Variants in TOX observed in about 807,000 individuals in gnomAD.
The protein encoded by TOX is thymocyte selection associated high mobility group box.
TOX carries 11 observed loss-of-function variants against 53.7 expected under a neutral mutation model. That is an observed-to-expected ratio of 0.20 (90% CI 0.13 to 0.34). TOX has a LOEUF of 0.34. Among genes scored for constraint, TOX ranks in the 10% least tolerant of loss-of-function variants. The pLI is 1.00. For missense variants in TOX, 570 were observed against 664.6 expected (o/e 0.86, Z 1.56); for synonymous variants, 225 against 245.3 (o/e 0.92, Z 0.77).
chr8:58,904,781 G>A (rs567427695), intron 3 of TOX, among the ~76,000 whole-genome samples: 1 of 152,262 alleles, frequency 6.6e-6, no homozygotes, highest in African/African-American at 2.4e-5. Flanking sequence ...CACACAGTAG[G>A]AGCTCAAAAT....
chr8:59,096,437 C>T (rs1290219481), intron 1 of TOX, among the ~76,000 whole-genome samples: 1 of 152,130 alleles, frequency 6.6e-6, no homozygotes, highest in African/African-American at 2.4e-5. Context: ...AATTCCTCTC[C>T]CCTTTTATGG....
At chr8:59,032,850 G>GTGAA (rs1261127068) in intron 1 of TOX, among the ~76,000 whole-genome samples, 1 of 151,990 alleles carries the variant, frequency 6.6e-6, no homozygotes. Context: ...GGCAAACATG[G>GTGAA]TGAAGCCCTG....
At chr8:58,842,383 C>G (rs1296534804) in intron 4 of TOX, among the ~76,000 whole-genome samples, 1 of 152,188 alleles carries the variant, frequency 6.6e-6, no homozygotes, top group Non-Finnish European at 1.5e-5. Context: ...CTTTGTCCTT[C>G]TGCTTTCTAC....
rs145935939 is a variant in TOX, at chr8:58,817,219, C to T, written c.1006-1495G>A. ...AGAGTCCTCTCATTCTGACATTTTC[C>T]CCTGTGTCACACTGTTGATGCAGCT... On this transcript the variant is annotated intron_variant, in intron 6 of 8. Transcript: ENST00000361421. Among the ~76,000 whole-genome samples, 195 of 152,030 alleles carry T rather than the reference C, an allele frequency of 1.3e-3. 1 individual carries two copies. The highest frequency in any genetic ancestry group is 4.3e-3 in the African/African-American group (180 of 41,462).
chr8:58,965,908 T>G lies in TOX; in HGVS notation c.103-5900A>C, dbSNP rs951938950. Among the ~76,000 whole-genome samples, 52 of 145,662 alleles carry G rather than the reference T, an allele frequency of 3.6e-4. 1 individual carries two copies. Among genetic ancestry groups the G allele is most frequent in the African/African-American group, 1.2e-3 (49 of 39,582 alleles). On this transcript the variant is annotated intron_variant, in intron 1 of 8. Transcript: ENST00000361421. ...TACGAGTCATCGTTTTTTTTTTTTT[T>G]TTTTTTTTTTTTTTTTTGGTAACAG... is the stretch of plus-strand genomic sequence containing the variant.
At chr8:59,102,183 C>T (rs551390583) in intron 1 of TOX, among the ~76,000 whole-genome samples, 4 of 152,198 alleles carry the variant, frequency 2.6e-5, no homozygotes, top group East Asian at 3.9e-4. Context: ...ATGTGGATGG[C>T]GGCAGGTAAC....
At chr8:58,859,838 T>C (rs905501512) in intron 3 of TOX, among the ~76,000 whole-genome samples, 1 of 152,128 alleles carries the variant, frequency 6.6e-6, no homozygotes, top group Non-Finnish European at 1.5e-5. Flanking sequence ...CTAAAAACCA[T>C]GTCACCAGTT....
At chr8:59,104,041 A>G (rs1804852850) in intron 1 of TOX, among the ~76,000 whole-genome samples, 1 of 152,228 alleles carries the variant, frequency 6.6e-6, no homozygotes, top group Admixed American at 6.5e-5. Flanking sequence ...AACCTCTAAA[A>G]GGTTATCTTT....
chr8:59,094,556 A>C (rs1246719548), intron 1 of TOX, among the ~76,000 whole-genome samples: 1 of 151,454 alleles, frequency 6.6e-6, no homozygotes, highest in Non-Finnish European at 1.5e-5. Flanking sequence ...ATTTAGAATA[A>C]TACTTGGGGT....
chr8:58,813,944 C>T (rs965697725), intron 7 of TOX, among the ~76,000 whole-genome samples: 1 of 152,142 alleles, frequency 6.6e-6, no homozygotes, highest in Non-Finnish European at 1.5e-5. Flanking sequence ...AATCCAGCCT[C>T]TGAGTTTTGA....
rs1488353383 is a variant in TOX, at chr8:58,807,293, A to G, written c.*454T>C. 6.5e-6 allele frequency: 1 copy of G among 153,208 alleles called. No individual in the cohort carries two copies. Among genetic ancestry groups the G allele is most frequent in the Non-Finnish European group, 1.5e-5 (1 of 68,426 alleles). The allele number at this position is 153,208 out of a possible 1,614,324, so 9.5% of individuals were successfully genotyped here. A position where few individuals can be genotyped will look rare whatever the true frequency, so the allele number is the denominator to read the frequency against. Reference sequence around the variant, plus strand: ...TCAATTACAATTTAGCTACAAAAACATTCACATTTTATACTCTAGGAGAGT... The same window carrying G: ...TCAATTACAATTTAGCTACAAAAACGTTCACATTTTATACTCTAGGAGAGT... On this transcript the variant is annotated 3_prime_UTR_variant, in exon 9 of 9. Coordinates refer to ENST00000361421, the MANE Select transcript of TOX (RefSeq NM_014729.3).
chr8:59,006,928 T>C (rs1481080353), intron 1 of TOX, among the ~76,000 whole-genome samples: 2 of 152,210 alleles, frequency 1.3e-5, no homozygotes, highest in Non-Finnish European at 2.9e-5. Flanking sequence ...AACTCTAGAA[T>C]GGAAAGATTT....
chr8:58,855,889 C>T (rs1389407238), intron 3 of TOX, among the ~76,000 whole-genome samples: 1 of 152,058 alleles, frequency 6.6e-6, no homozygotes, highest in Non-Finnish European at 1.5e-5. Flanking sequence ...TACCATTTTC[C>T]GAGAATTTGC....
intron 6 of TOX, 49 bp from the exon 7 acceptor site, chr8:58,815,773 T>G: frequency 6.5e-7 from 1 of 1,546,816 alleles, no homozygotes; most frequent in Non-Finnish European, 8.7e-7. Flanking sequence ...ACATGAGTGT[T>G]GATTCAAGGT....
chr8:59,080,334 A>G (rs1454789694), intron 1 of TOX, among the ~76,000 whole-genome samples: 1 of 151,858 alleles, frequency 6.6e-6, no homozygotes, highest in African/African-American at 2.4e-5. Context: ...TATTTACCCA[A>G]TGTCTGTGCC....
chr8:58,811,425 T>G (rs749278738), intron 7 of TOX, among the ~76,000 whole-genome samples: 3 of 152,230 alleles, frequency 2.0e-5, no homozygotes, highest in Admixed American at 6.5e-5. Flanking sequence ...TAATTAGATT[T>G]CTGCAGCCCT....
chr8:58,839,609 A>G (rs888695489), intron 4 of TOX, among the ~76,000 whole-genome samples: 1 of 152,234 alleles, frequency 6.6e-6, no homozygotes, highest in Non-Finnish European at 1.5e-5. Flanking sequence ...TTCCGGCTCT[A>G]AAATTATATG....
At chr8:58,972,633 A>G (rs1203531260) in intron 1 of TOX, among the ~76,000 whole-genome samples, 1 of 152,160 alleles carries the variant, frequency 6.6e-6, no homozygotes, top group Non-Finnish European at 1.5e-5. Context: ...TTTTTGTTCT[A>G]GTTCAACAAT....
At position 58,805,677 on chromosome 8, in the gene TOX, G is replaced by T. The variant is rs1809962165; in HGVS notation, c.*2070C>A. On this transcript the variant is annotated 3_prime_UTR_variant, in exon 9 of 9. Coordinates refer to ENST00000361421, the MANE Select transcript of TOX (RefSeq NM_014729.3). Reference sequence around the variant, plus strand: ...CTTTATCATAATATAATAAATAAAAGACATTAGTTAATTAGTAGTGCTGGT... The same window carrying T: ...CTTTATCATAATATAATAAATAAAATACATTAGTTAATTAGTAGTGCTGGT... 6.6e-6 allele frequency: 1 copy of T among 152,574 alleles called. No individual in the cohort carries two copies. Among genetic ancestry groups the T allele is most frequent in the Admixed American group, 6.5e-5 (1 of 15,270 alleles). The allele number at this position is 152,574 out of a possible 1,614,324, so 9.5% of individuals were successfully genotyped here. A position where few individuals can be genotyped will look rare whatever the true frequency, so the allele number is the denominator to read the frequency against.
Sources: gnomAD v4.1 joint callset for allele counts (sites outside exome capture counted in the v4.1 genomes callset) on GRCh38, gnomAD v4.1.1 for gene constraint, MANE v1.5 for transcripts, NCBI Gene and HGNC (gene_info 2026-07-23, HGNC 2026-07-21) for gene names.